Variants in FMO1 observed in about 807,000 individuals in gnomAD.
The protein encoded by FMO1 is flavin containing dimethylaniline monoxygenase 1, also known as flavin-containing monooxygenase 1.
FMO1 carries 36 observed loss-of-function variants against 45.4 expected under a neutral mutation model. The observed-to-expected ratio is 0.79, with a 90% CI of 0.61 to 1.05. The LOEUF is 1.05. Ranked by LOEUF, FMO1 falls within the 50% of genes least tolerant of loss-of-function variation. The pLI, the probability that FMO1 is intolerant of heterozygous loss-of-function variation, is 0.00. For synonymous variants in FMO1, 228 were observed against 227.2 expected, an observed-to-expected ratio of 1.00 and a Z score of -0.03; for missense variants, 615 against 640.3, an observed-to-expected ratio of 0.96 and a Z score of 0.43.
At chr1:171,265,423 A>G (rs551511687) in intron 2 of FMO1, among the ~76,000 whole-genome samples, 35 of 152,126 alleles carry the variant, frequency 2.3e-4, no homozygotes, top group Non-Finnish European at 4.7e-4. Flanking sequence ...AAAAGAAAAA[A>G]AAAAAGAATG....
At chr1:171,257,574 C>A (rs1660211785) in intron 1 of FMO1, among the ~76,000 whole-genome samples, 1 of 152,188 alleles carries the variant, frequency 6.6e-6, no homozygotes, top group Non-Finnish European at 1.5e-5. Context: ...GCGGTAGCAC[C>A]CGTGGTGCCA....
chr1:171,283,747 G>A (rs2101848234), intron 8 of FMO1, among the ~76,000 whole-genome samples: 1 of 152,224 alleles, frequency 6.6e-6, no homozygotes. Flanking sequence ...AAAATCATAT[G>A]AAATGGAAAC....
intron 3 of FMO1, among the ~76,000 whole-genome samples, chr1:171,273,187 A>G (rs1295108129): frequency 6.6e-6 from 1 of 152,174 alleles, no homozygotes; most frequent in Admixed American, 6.5e-5. Flanking sequence ...CATGTAAGAT[A>G]TGACTTGCTC....
intron 1 of FMO1, among the ~76,000 whole-genome samples, chr1:171,250,238 T>G (rs1036900259): frequency 6.6e-6 from 1 of 152,212 alleles, no homozygotes; most frequent in African/African-American, 2.4e-5. Context: ...CATGAACCCT[T>G]CATTTCTATT....
At chr1:171,261,348 G>T (rs1048118401) in intron 2 of FMO1, among the ~76,000 whole-genome samples, 4 of 123,410 alleles carry the variant, frequency 3.2e-5, no homozygotes, top group Non-Finnish European at 6.7e-5. Context: ...CACACAAAAG[G>T]TTAGAGATGT....
rs28384813 is a variant in FMO1 at position 171,249,008 on chromosome 1, T to C, written c.-7+385T>C. ...GTGCTTCCATCAGCAGCTTCTAACATTGTCTGAGATCATAGTTTTTGAAGG... is the reference window on the plus strand; with the variant it reads ...GTGCTTCCATCAGCAGCTTCTAACACTGTCTGAGATCATAGTTTTTGAAGG... On this transcript the variant is annotated intron_variant, in intron 1 of 8. Transcript: ENST00000617670. 1.0e-3 allele frequency among the ~76,000 whole-genome samples: 157 copies of C among 151,780 alleles called. 2 individuals are homozygous for C. In the South Asian group the frequency reaches 0.032, roughly 31 times the overall value.
rs528840080 is a variant in FMO1 at position 171,264,898 on chromosome 1, C to CA, written c.133-2636dup. On this transcript the variant is annotated intron_variant, in intron 2 of 8. Coordinates refer to ENST00000617670, the MANE Select transcript of FMO1 (RefSeq NM_001282693.2). The stretch of plus-strand genomic sequence containing the variant: ...TGGGCGACAGAGCGAGACTCCATCT[C>CA]AAAAAAAAACAAAAACAAAAGAAAT... Among the ~76,000 whole-genome samples the CA allele has an allele frequency of 2.2e-3, 322 of 148,756 alleles. 2 individuals carry two copies. The highest frequency in any genetic ancestry group is 0.017 in the Middle Eastern group (5 of 290).
chr1:171,259,210 GTAAT>G (rs1045401545), intron 2 of FMO1, among the ~76,000 whole-genome samples: 2 of 152,214 alleles, frequency 1.3e-5, no homozygotes, highest in African/African-American at 4.8e-5. Flanking sequence ...CTGAAGTAAA[GTAAT>G]TATTTTCTAG....
intron 2 of FMO1, among the ~76,000 whole-genome samples, chr1:171,263,363 C>G (rs575127052): frequency 7.9e-5 from 12 of 152,252 alleles, no homozygotes; most frequent in African/African-American, 2.9e-4. Context: ...CCCAGATCAG[C>G]CAGCTAAAAA....
At chr1:171,264,091 A>T (rs1660500391) in intron 2 of FMO1, among the ~76,000 whole-genome samples, 1 of 152,124 alleles carries the variant, frequency 6.6e-6, no homozygotes, top group African/African-American at 2.4e-5. Flanking sequence ...TCTGTGATAC[A>T]TTATTTCACA....
chr1:171,282,150 G>T lies in FMO1; in HGVS notation c.1000G>T (p.Ala334Ser). ...TGTCTTTGCCACTGGATACACATTT[G>T]CTTTCCCCTTCCTTGATGAGTCTGT... ...IIVFATGYTF[A>S]FPFLDESVVK... Residue 334 changes from alanine (A) to serine (S), a missense_variant, in exon 7 of 9, where the codon GCT becomes TCT. By Grantham distance (99) the Ala-to-Ser change is moderately conservative. Transcript: ENST00000617670. 6.2e-7 allele frequency: 1 copy of T among 1,613,988 alleles called. No individual in the cohort carries two copies. The highest frequency in any genetic ancestry group is 8.5e-7 in the Non-Finnish European group (1 of 1,179,902).
In FMO1 at chr1:171,282,092, C is replaced by A. The variant is rs776028871; in HGVS notation, c.942C>A (p.Asn314Lys). Reference sequence around the variant, plus strand: ...TAAAGGAAAACTCTGTCATATTTAACAATACTTCAAAGGAAGAGCCTATTG... The same window carrying A: ...TAAAGGAAAACTCTGTCATATTTAAAAATACTTCAAAGGAAGAGCCTATTG... Reference protein sequence around the residue: ...KEVKENSVIFNNTSKEEPIDI... With the variant: ...KEVKENSVIFKNTSKEEPIDI... The change falls in exon 7 of 9, where the codon AAC (asparagine) becomes AAA (lysine). Residue 314 changes from asparagine (N) to lysine (K), a missense_variant. By Grantham distance (94) the Asn-to-Lys change is moderately conservative (BLOSUM62 0). Coordinates refer to ENST00000617670, the MANE Select transcript of FMO1 (RefSeq NM_001282693.2). 1.2e-6 allele frequency: 2 copies of A among 1,613,772 alleles called. No homozygotes were observed. Among genetic ancestry groups the A allele is most frequent in the Non-Finnish European group, 1.7e-6 (2 of 1,179,760 alleles).
At chr1:171,264,826 G>T (rs1205457712) in intron 2 of FMO1, among the ~76,000 whole-genome samples, 1 of 152,028 alleles carries the variant, frequency 6.6e-6, no homozygotes, top group Admixed American at 6.6e-5. Context: ...GTGAACCCAG[G>T]AGGCGGAGCT....
intron 3 of FMO1, among the ~76,000 whole-genome samples, chr1:171,274,950 A>G (rs1201872420): frequency 6.6e-6 from 1 of 152,262 alleles, no homozygotes; most frequent in African/African-American, 2.4e-5. Context: ...GACCAAATTC[A>G]GGTTTTCAAT....
intron 4 of FMO1, among the ~76,000 whole-genome samples, chr1:171,276,349 A>G (rs1445400378): frequency 6.6e-6 from 1 of 152,216 alleles, no homozygotes; most frequent in African/African-American, 2.4e-5. Flanking sequence ...GAATCATTGA[A>G]TTGGAAAGAA....
chr1:171,256,142 G>A (rs568012967), intron 1 of FMO1, among the ~76,000 whole-genome samples: 32 of 151,734 alleles, frequency 2.1e-4, no homozygotes, highest in African/African-American at 7.0e-4. Flanking sequence ...GCATGGTGGC[G>A]GGCGCCTGTA....
At chr1:171,283,332 G>T in intron 8 of FMO1, 116 bp downstream of exon 8, 1 of 502,690 alleles carries the variant, frequency 2.0e-6, no homozygotes, top group African/African-American at 2.6e-5. Context: ...ATAGCAGAGA[G>T]ATGAAAGTTA....
At chr1:171,278,930 A>G in intron 5 of FMO1, 59 bp downstream of exon 5, 2 of 1,382,442 alleles carry the variant, frequency 1.4e-6, no homozygotes, top group Non-Finnish European at 2.0e-6. Flanking sequence ...CCTCAAGCAA[A>G]TGGTGTTTGA....
At chr1:171,279,712 C>T (rs555328021) in intron 5 of FMO1, among the ~76,000 whole-genome samples, 5 of 152,328 alleles carry the variant, frequency 3.3e-5, no homozygotes, top group Non-Finnish European at 7.4e-5. Context: ...CATTATAGCA[C>T]TCTCATGCTG....
Sources: gnomAD v4.1 joint callset for allele counts (sites outside exome capture counted in the v4.1 genomes callset) on GRCh38, gnomAD v4.1.1 for gene constraint, MANE v1.5 for transcripts, NCBI Gene and HGNC (gene_info 2026-07-23, HGNC 2026-07-21) for gene names.